Variants in PITPNC1 observed in about 807,000 individuals in gnomAD.
The protein encoded by PITPNC1 is cytoplasmic phosphatidylinositol transfer protein 1.
PITPNC1 carries 18 observed loss-of-function variants against 44.7 expected under a neutral mutation model. The ratio of observed to expected loss-of-function variants is 0.40; its 90% confidence interval spans 0.28 to 0.60. The LOEUF (loss-of-function observed/expected upper bound fraction) is 0.60, where lower values mean the gene tolerates loss of function less well. Ranked by LOEUF, PITPNC1 falls within the 20% of genes least tolerant of loss-of-function variation. PITPNC1 has a pLI of 0.39. For synonymous variants in PITPNC1, 141 were observed against 149.6 expected (o/e 0.94, Z 0.42); for missense variants, 290 against 418.4 (o/e 0.69, Z 2.68).
chr17:67,625,969 T>G (rs887312747), intron 5 of PITPNC1, among the ~76,000 whole-genome samples: 2 of 151,018 alleles, frequency 1.3e-5, no homozygotes, highest in Non-Finnish European at 2.9e-5. Context: ...AGTTGTGGTT[T>G]GTTTGTTGTT....
intron 8 of PITPNC1, among the ~76,000 whole-genome samples, chr17:67,677,865 C>T (rs1206933400): frequency 6.6e-6 from 1 of 151,566 alleles, no homozygotes; most frequent in African/African-American, 2.4e-5. Flanking sequence ...CCACTGCGCC[C>T]GGCCTTAGGG....
intron 1 of PITPNC1, among the ~76,000 whole-genome samples, chr17:67,450,529 G>A (rs1351870127): frequency 6.6e-6 from 1 of 151,976 alleles, no homozygotes; most frequent in Non-Finnish European, 1.5e-5. Flanking sequence ...CGGCTCAAGC[G>A]ATCCTCCCAC....
At position 67,477,288 on chromosome 17, in the gene PITPNC1, C is replaced by G. The variant is rs368819244; in HGVS notation, c.49-55514C>G. On this transcript the variant is annotated intron_variant, in intron 1 of 8. Transcript: ENST00000581322. The stretch of plus-strand genomic sequence containing the variant: ...TGAGATGGAGTTTCACTCTTATTGC[C>G]CAGGCTGGAGTGCAATGGCACAGTC... 1.0e-4 allele frequency among the ~76,000 whole-genome samples: 15 copies of G among 146,856 alleles called. 1 individual carries two copies. In the South Asian group the frequency reaches 1.9e-3, roughly 19 times the overall value.
intron 1 of PITPNC1, among the ~76,000 whole-genome samples, chr17:67,405,117 C>T (rs1030346791): frequency 6.6e-6 from 1 of 152,056 alleles, no homozygotes; most frequent in Admixed American, 6.6e-5. Context: ...CATGATGGCG[C>T]ACACCTGTAA....
At chr17:67,529,212 C>G (rs1395879166) in intron 1 of PITPNC1, among the ~76,000 whole-genome samples, 1 of 152,224 alleles carries the variant, frequency 6.6e-6, no homozygotes, top group African/African-American at 2.4e-5. Flanking sequence ...CCATTCCCAT[C>G]TCCACTGAGC....
At chr17:67,581,047 A>C (rs2144237094) in intron 5 of PITPNC1, among the ~76,000 whole-genome samples, 1 of 152,328 alleles carries the variant, frequency 6.6e-6, no homozygotes, top group Non-Finnish European at 1.5e-5. Flanking sequence ...CCACCTAAAA[A>C]TAAAAAAGAG....
At chr17:67,564,899 T>C (rs942410309) in intron 4 of PITPNC1, among the ~76,000 whole-genome samples, 1 of 152,128 alleles carries the variant, frequency 6.6e-6, no homozygotes, top group African/African-American at 2.4e-5. Context: ...TTTCCACTAC[T>C]CTCCTCCATG....
chr17:67,611,408 A>G (rs1021198397), intron 5 of PITPNC1: 1 of 152,250 alleles, frequency 6.6e-6, no homozygotes, highest in African/African-American at 2.4e-5. Flanking sequence ...ATCCAAACCA[A>G]TATAACCAGG....
Position 67,578,210 on chromosome 17 carries a change from A to G in PITPNC1, c.319A>G (p.Ile107Val), listed in dbSNP as rs769803845. 6.2e-7 allele frequency: 1 copy of G among 1,612,736 alleles called. No individual in the cohort carries two copies. The highest frequency in any genetic ancestry group is 8.5e-7 in the Non-Finnish European group (1 of 1,178,900). Reference protein sequence around the residue: ...YTCSFLPKFSIHIETKYEDNK... With the variant: ...YTCSFLPKFSVHIETKYEDNK... ...GTGTTCCTTTCTGCCGAAATTCTCC[A>G]TTCATATAGAAACCAAGTATGAGGA... is the stretch of plus-strand genomic sequence containing the variant. The change falls in exon 5 of 9, where the codon ATT becomes GTT. Residue 107 changes from isoleucine (I) to valine (V), a missense_variant. Physicochemically the swap from Ile to Val is conservative, Grantham distance 29. Transcript: ENST00000581322.
intron 5 of PITPNC1, among the ~76,000 whole-genome samples, chr17:67,588,827 C>T (rs2041355158): frequency 6.6e-6 from 1 of 152,204 alleles, no homozygotes; most frequent in Non-Finnish European, 1.5e-5. Context: ...TTACAGGTCT[C>T]TGGAGCTGAT....
At chr17:67,541,214 C>A (rs1470593063) in intron 2 of PITPNC1, among the ~76,000 whole-genome samples, 1 of 151,526 alleles carries the variant, frequency 6.6e-6, no homozygotes, top group Non-Finnish European at 1.5e-5. Flanking sequence ...GACTCCATCT[C>A]AAAAAATAAT....
intron 6 of PITPNC1, among the ~76,000 whole-genome samples, chr17:67,644,100 C>A (rs2042120192): frequency 6.6e-6 from 1 of 152,190 alleles, no homozygotes; most frequent in Non-Finnish European, 1.5e-5. Context: ...TGTGTTATTG[C>A]CTCTGTTATG....
chr17:67,489,550 C>A (rs2039832664), intron 1 of PITPNC1, among the ~76,000 whole-genome samples: 1 of 152,064 alleles, frequency 6.6e-6, no homozygotes, highest in Non-Finnish European at 1.5e-5. Flanking sequence ...GATGTCCAGA[C>A]CCCGCCTCTG....
At chr17:67,554,837 C>T (rs992333773) in intron 4 of PITPNC1, among the ~76,000 whole-genome samples, 5 of 152,332 alleles carry the variant, frequency 3.3e-5, no homozygotes, top group South Asian at 2.1e-4. Context: ...AATTCCTAAG[C>T]GACTGGCTCC....
rs145647698 is a variant in PITPNC1, at chr17:67,461,451, C to T, written c.49-71351C>T. 2.1e-3 allele frequency among the ~76,000 whole-genome samples: 319 copies of T among 152,320 alleles called. 4 individuals carry two copies. Among genetic ancestry groups the T allele is most frequent in the African/African-American group, 7.3e-3 (305 of 41,576 alleles). ...AACTCATGCAGCAGGGAGTCTCCTT[C>T]GCTTAAGGGGACCACATACATATCA... is the stretch of plus-strand genomic sequence containing the variant. On this transcript the variant is annotated intron_variant, in intron 1 of 8. Transcript: ENST00000581322.
At chr17:67,521,917 T>G (rs2040329753) in intron 1 of PITPNC1, among the ~76,000 whole-genome samples, 1 of 152,228 alleles carries the variant, frequency 6.6e-6, no homozygotes, top group South Asian at 2.1e-4. Context: ...CTTTCCTTTC[T>G]GCCGGGTCTT....
chr17:67,388,772 C>T (rs553837139), intron 1 of PITPNC1, among the ~76,000 whole-genome samples: 53 of 152,100 alleles, frequency 3.5e-4, no homozygotes, highest in African/African-American at 1.2e-3. Flanking sequence ...AGACTAGCAC[C>T]ACCACACCTG....
chr17:67,616,480 A>G (rs2642033), intron 5 of PITPNC1, among the ~76,000 whole-genome samples: 107,398 of 151,980 alleles, frequency 0.71, 38,764 homozygotes, highest in Non-Finnish European at 0.78. Flanking sequence ...AGGGCACCTG[A>G]TTAGAACGTT....
intron 1 of PITPNC1, among the ~76,000 whole-genome samples, chr17:67,524,027 G>A (rs1332975836): frequency 1.3e-5 from 2 of 151,978 alleles, no homozygotes; most frequent in African/African-American, 4.8e-5. Context: ...GGCCAGGCTA[G>A]TCTTGAACTC....
Sources: gnomAD v4.1 joint callset for allele counts (sites outside exome capture counted in the v4.1 genomes callset) on GRCh38, gnomAD v4.1.1 for gene constraint, MANE v1.5 for transcripts, NCBI Gene and HGNC (gene_info 2026-07-23, HGNC 2026-07-21) for gene names.